PRKAA1: variants seen among roughly 807,000 people sequenced by gnomAD.
PRKAA1 encodes protein kinase AMP-activated catalytic subunit alpha 1, also known as 5'-AMP-activated protein kinase catalytic subunit alpha-1.
Under a neutral mutation model 56.9 loss-of-function variants are expected in PRKAA1, and 23 were observed. The observed-to-expected ratio is 0.40, with a 90% confidence interval of 0.29 to 0.57. The LOEUF (loss-of-function observed/expected upper bound fraction) is 0.57. Among genes scored for constraint, PRKAA1 ranks in the 20% least tolerant of loss-of-function variants. The pLI, the probability that PRKAA1 is intolerant of heterozygous loss-of-function variation, is 0.39. For synonymous variants in PRKAA1, 226 were observed against 227.0 expected (o/e 1.00, Z 0.04); for missense variants, 413 against 679.7 (o/e 0.61, Z 4.36).
chr5:40,784,926 C>T (rs1365518065), intron 1 of PRKAA1, among the ~76,000 whole-genome samples: 2 of 152,098 alleles, frequency 1.3e-5, no homozygotes, highest in Non-Finnish European at 2.9e-5. Context: ...AGATAATCCT[C>T]AGAAGACATG....
At chr5:40,770,616 T>G (rs1743695682) in intron 4 of PRKAA1, among the ~76,000 whole-genome samples, 1 of 128,966 alleles carries the variant, frequency 7.8e-6, no homozygotes, top group African/African-American at 2.9e-5. Context: ...TTTTTTTTTT[T>G]GAGACCGTGT....
chr5:40,793,317 G>A (rs190286277), intron 1 of PRKAA1, among the ~76,000 whole-genome samples: 66 of 152,066 alleles, frequency 4.3e-4, no homozygotes, highest in Non-Finnish European at 7.4e-4. Context: ...AGATGCCTTG[G>A]AAACAATAAA....
chr5:40,767,390 C>T, intron 6 of PRKAA1, 76 bp downstream of exon 6: 3 of 1,279,598 alleles, frequency 2.3e-6, no homozygotes, highest in Non-Finnish European at 3.3e-6. Context: ...ATATTCTGTT[C>T]TGCAACTTTT....
chr5:40,779,115 C>T (rs1744155373), intron 1 of PRKAA1, among the ~76,000 whole-genome samples: 1 of 150,996 alleles, frequency 6.6e-6, no homozygotes, highest in African/African-American at 2.4e-5. Flanking sequence ...TTTTTAAATG[C>T]AGTTAAAAAT....
chr5:40,784,093 T>C (rs868156035), intron 1 of PRKAA1, among the ~76,000 whole-genome samples: 1 of 152,204 alleles, frequency 6.6e-6, no homozygotes, highest in African/African-American at 2.4e-5. Flanking sequence ...GCCTGGCATA[T>C]AGCAAGTGAT....
At position 40,767,575 on chromosome 5, in the gene PRKAA1, A is replaced by G. The variant is rs966382240; in HGVS notation, c.712T>C (p.Cys238Arg). The G allele has an allele frequency of 8.7e-6, 14 of 1,612,614 alleles. No homozygotes were observed. The highest frequency in any genetic ancestry group is 8.0e-5 in the African/African-American group (6 of 74,890). Residue 238 changes from cysteine to arginine, a missense_variant, in exon 6 of 9, where the codon TGT becomes CGT. By Grantham distance (180) the Cys-to-Arg change is radical. Transcript: ENST00000397128. ...TGAGGGGTATAGAAGATCCCATCAC[A>G]TATCTTCTTAAAAAGAGTTGGCACA... The part of the protein sequence containing the change: ...DHVPTLFKKI[C>R]DGIFYTPQYL...
intron 4 of PRKAA1, among the ~76,000 whole-genome samples, chr5:40,769,959 T>C (rs1743651764): frequency 6.6e-6 from 1 of 150,732 alleles, no homozygotes; most frequent in African/African-American, 2.4e-5. Flanking sequence ...AAACTGTTGC[T>C]CCCTCAAAAA....
chr5:40,768,343 A>T, intron 5 of PRKAA1: 6 of 758,484 alleles, frequency 7.9e-6, no homozygotes, highest in Non-Finnish European at 9.6e-6. Flanking sequence ...CTTTATCCAA[A>T]CTAGAAAAAT....
intron 1 of PRKAA1, among the ~76,000 whole-genome samples, chr5:40,788,233 G>A (rs1744576111): frequency 1.3e-5 from 2 of 151,796 alleles, no homozygotes; most frequent in African/African-American, 4.8e-5. Flanking sequence ...TATAATCAAT[G>A]GATTTTTGAC....
chr5:40,772,409 T>G (rs1202913658), intron 3 of PRKAA1, among the ~76,000 whole-genome samples: 1 of 152,148 alleles, frequency 6.6e-6, no homozygotes, highest in Non-Finnish European at 1.5e-5. Context: ...TGAGGGACAC[T>G]ATTTTAGACC....
At position 40,762,046 on chromosome 5, in the gene PRKAA1, G is replaced by A. The variant is rs1438359042; in HGVS notation, c.*732C>T. ...CCCACCACTTTGGGAAGCTGAGGTGGTGGATCACGCGGTCAGGAGTTCGAG... is the reference window on the plus strand; with the variant it reads ...CCCACCACTTTGGGAAGCTGAGGTGATGGATCACGCGGTCAGGAGTTCGAG... On this transcript the variant is annotated 3_prime_UTR_variant, in exon 9 of 9. Coordinates refer to ENST00000397128, the MANE Select transcript of PRKAA1 (RefSeq NM_006251.6). 1 of 152,328 alleles carries A rather than the reference G, an allele frequency of 6.6e-6. No homozygotes were observed. The highest frequency in any genetic ancestry group is 1.5e-5 in the Non-Finnish European group (1 of 68,118). The allele number at this position is 152,328 out of a possible 1,614,324, so 9.4% of individuals were successfully genotyped here. A position where few individuals can be genotyped will look rare whatever the true frequency, so the allele number is the denominator to read the frequency against.
chr5:40,760,185 A>C lies in PRKAA1; in HGVS notation c.*2593T>G, dbSNP rs1298540435. The C allele has an allele frequency of 1.3e-5, 2 of 152,750 alleles. No individual in the cohort carries two copies. The highest frequency in any genetic ancestry group is 3.7e-4 in the East Asian group (2 of 5,334). 9.5% of individuals were successfully genotyped at this position (152,750 alleles called of 1,614,324 possible). On this transcript the variant is annotated 3_prime_UTR_variant, in exon 9 of 9. Coordinates refer to ENST00000397128, the MANE Select transcript of PRKAA1 (RefSeq NM_006251.6). ...TTGCAAACAACAAAAAAATTGTGAA[A>C]ATTCTGTTGCAACCTTGACACACTT...
rs754032016 is a variant in PRKAA1 at position 40,774,916 on chromosome 5, T to C, written c.363+494A>G. 2.5e-6 allele frequency: 4 copies of C among 1,583,980 alleles called. No homozygotes were observed. In the South Asian group the frequency reaches 3.3e-5, roughly 13 times the overall value. Reference sequence around the variant, plus strand: ...TCCTTCCAGCTGTAAATTCTTTATATCTAATTCCTACCTCCTTCGTGGAGC... The same window carrying C: ...TCCTTCCAGCTGTAAATTCTTTATACCTAATTCCTACCTCCTTCGTGGAGC... On this transcript the variant is annotated intron_variant, in intron 3 of 8. Coordinates refer to ENST00000397128, the MANE Select transcript of PRKAA1 (RefSeq NM_006251.6).
intron 2 of PRKAA1, among the ~76,000 whole-genome samples, chr5:40,776,311 T>C (rs956663517): frequency 6.6e-6 from 1 of 152,244 alleles, no homozygotes; most frequent in Non-Finnish European, 1.5e-5. Flanking sequence ...GGTCATTGGC[T>C]GTTAGCCAAG....
chr5:40,795,004 TATATACAC>T (rs905527369), intron 1 of PRKAA1, among the ~76,000 whole-genome samples: 23 of 137,484 alleles, frequency 1.7e-4, no homozygotes, highest in Non-Finnish European at 3.5e-4. Flanking sequence ...TGTATACATA[TATATACAC>T]ACACACACAC....
intron 6 of PRKAA1, 45 bp from the exon 7 acceptor site, chr5:40,765,283 C>A: frequency 6.5e-7 from 1 of 1,538,426 alleles, no homozygotes; most frequent in Non-Finnish European, 8.8e-7. Context: ...TTGAATAGAG[C>A]TGAGACTGAA....
At chr5:40,776,151 G>C (rs1743992333) in intron 2 of PRKAA1, among the ~76,000 whole-genome samples, 1 of 152,216 alleles carries the variant, frequency 6.6e-6, no homozygotes, top group African/African-American at 2.4e-5. Context: ...AGGATTTCAT[G>C]AGACAGATGG....
intron 1 of PRKAA1, among the ~76,000 whole-genome samples, chr5:40,787,910 T>G (rs973055786): frequency 6.6e-6 from 1 of 152,032 alleles, no homozygotes; most frequent in Non-Finnish European, 1.5e-5. Flanking sequence ...GCTAAATGGA[T>G]AAAAAACAAG....
chr5:40,797,518 T>A (rs1421069020), intron 1 of PRKAA1, among the ~76,000 whole-genome samples: 1 of 152,162 alleles, frequency 6.6e-6, no homozygotes, highest in Admixed American at 6.5e-5. Flanking sequence ...AAAAAAATGA[T>A]GTCGGCTACC....
Sources: allele counts gnomAD v4.1 joint callset (sites outside exome capture counted in the v4.1 genomes callset), GRCh38; gene constraint gnomAD v4.1.1; transcripts MANE v1.5; gene names NCBI Gene and HGNC (gene_info 2026-07-23, HGNC 2026-07-21).